GALNT14: variants seen among roughly 807,000 people sequenced by gnomAD.
GALNT14 encodes polypeptide N-acetylgalactosaminyltransferase 14.
In GALNT14, 60 loss-of-function variants were observed where a neutral mutation model predicts 77.5. That is an observed-to-expected ratio of 0.77 (90% CI 0.63 to 0.96). The LOEUF (loss-of-function observed/expected upper bound fraction) is 0.96. Among genes scored for constraint, GALNT14 ranks in the 40% least tolerant of loss-of-function variants. The pLI, the probability that GALNT14 is intolerant of heterozygous loss-of-function variation, is 0.00. For synonymous variants in GALNT14, 280 were observed against 281.7 expected, an observed-to-expected ratio of 0.99 and a Z score of 0.06; for missense variants, 710 against 731.0, an observed-to-expected ratio of 0.97 and a Z score of 0.33.
the GALNT14 span, among the ~76,000 whole-genome samples, chr2:30,895,007 G>A: frequency 6.6e-6 from 1 of 152,198 alleles, no homozygotes; most frequent in Non-Finnish European, 1.5e-5. Context: ...TTTTTCATCA[G>A]CTTCATGACC....
At chr2:30,923,056 CTTTTTTTTTTTTT>C (rs56163710) in intron 13 of GALNT14, among the ~76,000 whole-genome samples, 6 of 116,526 alleles carry the variant, frequency 5.1e-5, no homozygotes, top group African/African-American at 1.3e-4. Context: ...ACAAACGTGC[CTTTTTTTTTTTTT>C]TTTTTTTTTT....
At chr2:30,929,865 C>T (rs1665621146) in intron 10 of GALNT14, among the ~76,000 whole-genome samples, 1 of 152,136 alleles carries the variant, frequency 6.6e-6, no homozygotes, top group South Asian at 2.1e-4. Context: ...TTCACATACA[C>T]CTTACACACA....
At chr2:30,917,028 G>A (rs988256496) in intron 13 of GALNT14, among the ~76,000 whole-genome samples, 1 of 127,196 alleles carries the variant, frequency 7.9e-6, no homozygotes, top group Non-Finnish European at 1.6e-5. Flanking sequence ...AGTGAGCTGA[G>A]ATCATGCCAT....
At chr2:30,944,798 C>A in intron 8 of GALNT14, 60 bp downstream of exon 8, 1 of 1,329,430 alleles carries the variant, frequency 7.5e-7, no homozygotes. Context: ...CACCTCCCTA[C>A]ACTTGACAGG....
intron 1 of GALNT14, chr2:31,132,677 T>A: frequency 6.4e-6 from 3 of 470,456 alleles, no homozygotes; most frequent in Non-Finnish European, 1.3e-5. Flanking sequence ...CTTTGTTCAA[T>A]CCTGGGTGTA....
chr2:30,900,198 C>T, the GALNT14 span, among the ~76,000 whole-genome samples: 4 of 152,152 alleles, frequency 2.6e-5, no homozygotes, highest in African/African-American at 7.2e-5. Flanking sequence ...AAATACAGGG[C>T]TTCCCCTCAA....
chr2:31,017,770 G>T (rs1671465219), intron 1 of GALNT14, among the ~76,000 whole-genome samples: 1 of 152,192 alleles, frequency 6.6e-6, no homozygotes, highest in Admixed American at 6.5e-5. Context: ...CTGAGAAAGA[G>T]GGCGCTTGAT....
At chr2:31,131,261 A>G (rs1678979528) in intron 1 of GALNT14, among the ~76,000 whole-genome samples, 1 of 152,308 alleles carries the variant, frequency 6.6e-6, no homozygotes, top group South Asian at 2.1e-4. Flanking sequence ...GTGCAGCATG[A>G]GTCTCTGAGG....
At chr2:31,066,420 G>T (rs1036139635) in intron 1 of GALNT14, among the ~76,000 whole-genome samples, 1 of 150,552 alleles carries the variant, frequency 6.6e-6, no homozygotes, top group South Asian at 2.1e-4. Context: ...GGCGGGGGGC[G>T]GGGGGGTGGT....
intron 1 of GALNT14, among the ~76,000 whole-genome samples, chr2:31,045,330 C>T (rs1673371809): frequency 1.3e-5 from 2 of 152,184 alleles, no homozygotes. Context: ...CTCTAACATC[C>T]ACACACTGAG....
chr2:31,093,568 C>A (rs1357586798), intron 1 of GALNT14, among the ~76,000 whole-genome samples: 6 of 152,186 alleles, frequency 3.9e-5, no homozygotes. Flanking sequence ...CAGCACAGAC[C>A]ACAGGCATGG....
chr2:30,990,727 T>C (rs372359228), intron 2 of GALNT14, among the ~76,000 whole-genome samples: 4 of 152,332 alleles, frequency 2.6e-5, no homozygotes, highest in East Asian at 1.9e-4. Flanking sequence ...TCACCTGACC[T>C]TTCCTTTTCA....
rs1296365647 is a variant in GALNT14, at chr2:31,033,671, T to A, written c.130-40664A>T. ...TCCTTCCCTCCCTGGCCTGCCTGCATCCCTAACCGTTTTGACTTCTCCAGC... is the reference window on the plus strand; with the variant it reads ...TCCTTCCCTCCCTGGCCTGCCTGCAACCCTAACCGTTTTGACTTCTCCAGC... On this transcript the variant is annotated intron_variant, in intron 1 of 14. Transcript: ENST00000349752. Among the ~76,000 whole-genome samples, 3 of 152,070 alleles carry A rather than the reference T, an allele frequency of 2.0e-5. No individual in the cohort carries two copies. The East Asian group carries it at 5.8e-4, about 29-fold the overall frequency.
At position 31,024,952 on chromosome 2, in the gene GALNT14, T is replaced by C. The variant is rs749655554; in HGVS notation, c.130-31945A>G. 8.5e-4 allele frequency among the ~76,000 whole-genome samples: 129 copies of C among 152,202 alleles called. 3 individuals are homozygous for C. Among genetic ancestry groups the C allele is most frequent in the Non-Finnish European group, 2.4e-4 (16 of 68,034 alleles). ...GGCCCAGACCAAAAGTTGAAATACC[T>C]GATATGTGGCTCCACTCTACCATGG... On this transcript the variant is annotated intron_variant, in intron 1 of 14. Coordinates refer to ENST00000349752, the MANE Select transcript of GALNT14 (RefSeq NM_024572.4).
At chr2:30,918,516 G>A (rs1157281310) in intron 13 of GALNT14, among the ~76,000 whole-genome samples, 2 of 152,234 alleles carry the variant, frequency 1.3e-5, no homozygotes, top group Non-Finnish European at 2.9e-5. Context: ...AGAAGAGAGA[G>A]GACCTTACAG....
intron 2 of GALNT14, among the ~76,000 whole-genome samples, chr2:30,972,141 C>T (rs1014196941): frequency 6.6e-6 from 1 of 152,188 alleles, no homozygotes; most frequent in African/African-American, 2.4e-5. Flanking sequence ...GAGAGGCATA[C>T]CCACTAACTC....
chr2:30,948,220 G>C (rs961057556), intron 6 of GALNT14, among the ~76,000 whole-genome samples: 12 of 152,194 alleles, frequency 7.9e-5, no homozygotes, highest in African/African-American at 2.9e-4. Context: ...TTTGCTTTGA[G>C]CTTTGGGGCC....
chr2:30,909,130 A>T (rs1312927409), downstream of GALNT14, among the ~76,000 whole-genome samples: 1 of 151,968 alleles, frequency 6.6e-6, no homozygotes, highest in East Asian at 1.9e-4. Flanking sequence ...AGGCATTACC[A>T]TTCAGGACAT....
chr2:30,909,710 G>T (rs1452197531), downstream of GALNT14, among the ~76,000 whole-genome samples: 1 of 151,896 alleles, frequency 6.6e-6, no homozygotes, highest in Non-Finnish European at 1.5e-5. Flanking sequence ...CCATTACTGG[G>T]TATATACCCA....
Sources: gnomAD v4.1 joint callset for allele counts (sites outside exome capture counted in the v4.1 genomes callset) on GRCh38, gnomAD v4.1.1 for gene constraint, MANE v1.5 for transcripts, NCBI Gene and HGNC (gene_info 2026-07-23, HGNC 2026-07-21) for gene names.